Variants in CSNK2A1 observed in about 807,000 individuals in gnomAD.
CSNK2A1 encodes the protein casein kinase II subunit alpha.
In CSNK2A1, 10 loss-of-function variants were observed where a neutral mutation model predicts 62.9. The ratio of observed to expected loss-of-function variants is 0.16; its 90% CI spans 0.10 to 0.27. The LOEUF (loss-of-function observed/expected upper bound fraction) is 0.27. CSNK2A1 is among the 10% of genes least tolerant of loss of function. The pLI, the probability that CSNK2A1 is intolerant of heterozygous loss-of-function variation, is 1.00. For synonymous variants in CSNK2A1, 124 were observed against 167.8 expected, an observed-to-expected ratio of 0.74 and a Z score of 2.02; for missense variants, 160 against 492.0, an observed-to-expected ratio of 0.33 and a Z score of 6.38.
intron 8 of CSNK2A1, among the ~76,000 whole-genome samples, chr20:493,898 C>A (rs2018291535): frequency 6.6e-6 from 1 of 152,102 alleles, no homozygotes; most frequent in Admixed American, 6.5e-5. Context: ...GAGATCCATC[C>A]AAGTTGTTGC....
chr20:517,527 G>A (rs1440408941), intron 2 of CSNK2A1, among the ~76,000 whole-genome samples: 2 of 152,054 alleles, frequency 1.3e-5, no homozygotes, highest in East Asian at 1.9e-4. Flanking sequence ...GACGTTGAAG[G>A]GTATTTAAAC....
intron 1 of CSNK2A1, among the ~76,000 whole-genome samples, chr20:535,316 T>C (rs979237219): frequency 6.6e-6 from 1 of 152,232 alleles, no homozygotes; most frequent in African/African-American, 2.4e-5. Flanking sequence ...TTATTTGACA[T>C]TGATAACCTT....
chr20:508,899 C>G lies in CSNK2A1; in HGVS notation c.-109-239G>C, dbSNP rs560107765. ...TTTGCCAAATATCCTGTTACCTCTG[C>G]AGGCAAAATTTGAATGATTTTTGTA... On this transcript the variant is annotated intron_variant, in intron 2 of 13. Coordinates refer to ENST00000217244, the MANE Select transcript of CSNK2A1 (RefSeq NM_177559.3). Among the ~76,000 whole-genome samples, 5 of 152,258 alleles carry G rather than the reference C, an allele frequency of 3.3e-5. No individual in the cohort carries two copies. In the South Asian group the frequency reaches 1.0e-3, roughly 32 times the overall value.
At chr20:487,835 C>T (rs1408923578) in intron 11 of CSNK2A1, 25 of 501,306 alleles carry the variant, frequency 5.0e-5, no homozygotes, top group South Asian at 4.1e-4. Flanking sequence ...CTTGACAGGA[C>T]GTGACCGCTT....
chr20:492,177 T>A, intron 9 of CSNK2A1, 77 bp downstream of exon 9: 4 of 1,309,636 alleles, frequency 3.1e-6, no homozygotes, highest in Non-Finnish European at 4.3e-6. Flanking sequence ...ATGCACAAAA[T>A]GATACTTTTT....
intron 13 of CSNK2A1, among the ~76,000 whole-genome samples, chr20:485,106 A>T (rs1363748064): frequency 2.3e-4 from 10 of 44,278 alleles, no homozygotes; most frequent in African/African-American, 4.8e-4. Context: ...AAAAAAAAAA[A>T]AAAATATATA....
rs1159362716 is a variant in CSNK2A1, at chr20:481,809, A to G, written c.*2152T>C. ...TTATAAGTGTCCTGTTCAAATCACAATCCAGTGCAAACATAATCACAAATT... is the reference window on the plus strand; with the variant it reads ...TTATAAGTGTCCTGTTCAAATCACAGTCCAGTGCAAACATAATCACAAATT... On this transcript the variant is annotated 3_prime_UTR_variant, in exon 14 of 14. Transcript: ENST00000217244. 1 of 152,176 alleles carries G rather than the reference A, an allele frequency of 6.6e-6. No individual in the cohort carries two copies. The highest frequency in any genetic ancestry group is 1.5e-5 in the Non-Finnish European group (1 of 68,032). 9.4% of individuals were successfully genotyped at this position (152,176 alleles called of 1,614,324 possible).
Position 476,097 on chromosome 20 carries a change from A to G in CSNK2A1, c.*7864T>C, listed in dbSNP as rs762302172. ...ATAGCTGTGCAAAAGCAGCCCCACA[A>G]GCAAAATTGAGCCAGGAGACAGGGT... On this transcript the variant is annotated 3_prime_UTR_variant, in exon 14 of 14. Transcript: ENST00000217244. The G allele has an allele frequency of 6.6e-6, 1 of 152,288 alleles. No individual in the cohort carries two copies. Among genetic ancestry groups the G allele is most frequent in the African/African-American group, 2.4e-5 (1 of 41,466 alleles). The allele number at this position is 152,288 out of a possible 1,614,324, so 9.4% of individuals were successfully genotyped here.
Position 485,104 on chromosome 20 carries a change from A to T in CSNK2A1, c.1061-1028T>A, listed in dbSNP as rs1339020635. Among the ~76,000 whole-genome samples the T allele has an allele frequency of 4.2e-4, 20 of 47,198 alleles. 3 individuals are homozygous for T. The highest frequency in any genetic ancestry group is 1.3e-3 in the African/African-American group (17 of 12,960). 31.0% of individuals were successfully genotyped at this position (47,198 alleles called of 152,430 possible). ...AAAAAAAAAAAAAAAAAAAAAAAAA[A>T]AAAAAATATATATATATATATATAT... On this transcript the variant is annotated intron_variant, in intron 13 of 13. Transcript: ENST00000217244.
Position 499,387 on chromosome 20 carries a change from C to G in CSNK2A1, c.316-82G>C, listed in dbSNP as rs556279550. ...ATGGGGACAATGTTTGCGGATGCTG[C>G]GTGGTGAAATTTGGCAGTCCTCGCC... is the stretch of plus-strand genomic sequence containing the variant. On this transcript the variant is annotated intron_variant, in intron 5 of 13. Coordinates refer to ENST00000217244, the MANE Select transcript of CSNK2A1 (RefSeq NM_177559.3). The surrounding 1 kb of genome is among the most constrained non-coding windows in gnomAD (Gnocchi z 4.2). 1.4e-6 allele frequency: 2 copies of G among 1,411,882 alleles called. No homozygotes were observed. Among genetic ancestry groups the G allele is most frequent in the Non-Finnish European group, 1.9e-6 (2 of 1,028,092 alleles). 87.5% of individuals were successfully genotyped at this position (1,411,882 alleles called of 1,614,324 possible). A position where few individuals can be genotyped will look rare whatever the true frequency, so the allele number is the denominator to read the frequency against.
intron 10 of CSNK2A1, 71 bp from the exon 11 acceptor site, chr20:488,849 T>C (rs932687727): frequency 5.3e-5 from 75 of 1,410,746 alleles, no homozygotes; most frequent in Non-Finnish European, 7.2e-5. Context: ...TTAACAATGA[T>C]TGAATTTACA....
chr20:488,908 T>G (rs2018157816), intron 10 of CSNK2A1, 130 bp from the exon 11 acceptor site: 1 of 777,322 alleles, frequency 1.3e-6, no homozygotes, highest in African/African-American at 1.8e-5. Flanking sequence ...CCTAACAGTT[T>G]AGACTTCAAC....
intron 2 of CSNK2A1, among the ~76,000 whole-genome samples, chr20:516,700 C>A (rs2018835251): frequency 6.6e-6 from 1 of 152,150 alleles, no homozygotes; most frequent in African/African-American, 2.4e-5. Flanking sequence ...ACTATACAAA[C>A]AAGTTTGCTT....
chr20:511,703 TACACAC>T (rs61288887), intron 2 of CSNK2A1, among the ~76,000 whole-genome samples: 51 of 150,960 alleles, frequency 3.4e-4, no homozygotes, highest in African/African-American at 9.0e-4. Flanking sequence ...TGTATATATA[TACACAC>T]ACACACACAC....
intron 4 of CSNK2A1, chr20:504,867 G>C (rs1228579702): frequency 2.4e-6 from 1 of 419,680 alleles, no homozygotes; most frequent in Non-Finnish European, 4.2e-6. Context: ...TGGGAGAGAA[G>C]AGACTGTACC....
rs997378927 is a variant in CSNK2A1, at chr20:487,176, C to T, written c.973+251G>A. The T allele has an allele frequency of 9.4e-6, 5 of 529,606 alleles. No homozygotes were observed. The Admixed American group carries it at 9.5e-5, about 10-fold the overall frequency. 32.8% of individuals were successfully genotyped at this position (529,606 alleles called of 1,614,324 possible). ...CTAATTCAACCATTCCAGACTGAGGCACTGAGAAGTGTCATCCTCACAGTA... is the reference window on the plus strand; with the variant it reads ...CTAATTCAACCATTCCAGACTGAGGTACTGAGAAGTGTCATCCTCACAGTA... On this transcript the variant is annotated intron_variant, in intron 12 of 13. Transcript: ENST00000217244.
intron 2 of CSNK2A1, among the ~76,000 whole-genome samples, chr20:511,740 G>C (rs2018725983): frequency 6.6e-6 from 1 of 151,332 alleles, no homozygotes; most frequent in South Asian, 2.1e-4. Flanking sequence ...ACCACATTTT[G>C]CTTATCCATT....
In CSNK2A1 at chr20:530,468, C is replaced by CTTT. The variant is rs779710774; in HGVS notation, c.-226-2422_-226-2420dup. On this transcript the variant is annotated intron_variant, in intron 1 of 13. Coordinates refer to ENST00000217244, the MANE Select transcript of CSNK2A1 (RefSeq NM_177559.3). ...GTGTACAAGTTTTTCACTTTTTTTC[C>CTTT]TTTTTTTTTTTTTTTTTAGAGTCAG... 6.0e-3 allele frequency among the ~76,000 whole-genome samples: 807 copies of CTTT among 135,138 alleles called. 14 individuals carry two copies. Among genetic ancestry groups the CTTT allele is most frequent in the African/African-American group, 0.021 (772 of 35,998 alleles). The allele number at this position is 135,138 out of a possible 152,430, so 88.7% of individuals were successfully genotyped here.
intron 6 of CSNK2A1, chr20:498,185 C>A: frequency 5.9e-6 from 1 of 169,506 alleles, no homozygotes; most frequent in Non-Finnish European, 1.3e-5. Flanking sequence ...CTGCAGATCA[C>A]CAGTGGGTAT....
Sources: gnomAD v4.1 joint callset for allele counts (sites outside exome capture counted in the v4.1 genomes callset) on GRCh38, gnomAD v4.1.1 for gene constraint, Gnocchi (gnomAD v3.1) non-coding constraint, MANE v1.5 for transcripts, NCBI Gene and HGNC (gene_info 2026-07-23, HGNC 2026-07-21) for gene names.